REV1: variants seen among roughly 807,000 people sequenced by gnomAD.
REV1 encodes the protein REV1 DNA directed polymerase, also known as translesion synthesis protein REV1.
REV1 carries 42 observed loss-of-function variants against 137.4 expected under a neutral mutation model. The observed-to-expected ratio is 0.31, with a 90% confidence interval of 0.24 to 0.40. The LOEUF is 0.40. Ranked by LOEUF, REV1 falls within the 10% of genes least tolerant of loss-of-function variation. The probability of loss-of-function intolerance (pLI) is 1.00; values close to 1 mark genes in which losing one functional copy is unlikely to be tolerated. For synonymous variants in REV1, 524 were observed against 519.2 expected (o/e 1.01, Z -0.12); for missense variants, 1,282 against 1,490.1 (o/e 0.86, Z 2.30).
intron 11 of REV1, among the ~76,000 whole-genome samples, chr2:99,420,029 A>T (rs1205065109): frequency 6.6e-6 from 1 of 152,216 alleles, no homozygotes; most frequent in Admixed American, 6.5e-5. Flanking sequence ...GCTTGAACTT[A>T]AAAGAATGGA....
intron 1 of REV1, among the ~76,000 whole-genome samples, chr2:99,471,142 C>A (rs948810679): frequency 3.4e-5 from 5 of 146,226 alleles, no homozygotes; most frequent in Non-Finnish European, 7.6e-5. Context: ...GGTTGAAACA[C>A]AATTTGCCTT....
intron 1 of REV1, among the ~76,000 whole-genome samples, chr2:99,488,687 T>G (rs906903076): frequency 2.6e-5 from 4 of 152,174 alleles, no homozygotes; most frequent in Admixed American, 1.3e-4. Context: ...TGTGAAAGGT[T>G]GGTGGACAGA....
chr2:99,406,284 TA>T, intron 16 of REV1, 40 bp downstream of exon 16: 1 of 1,563,520 alleles, frequency 6.4e-7, no homozygotes, highest in Non-Finnish European at 8.7e-7. Flanking sequence ...TCCAAGGACA[TA>T]AGCAGCACCT....
At chr2:99,479,402 C>T (rs2104228072) in intron 1 of REV1, among the ~76,000 whole-genome samples, 1 of 151,808 alleles carries the variant, frequency 6.6e-6, no homozygotes, top group East Asian at 1.9e-4. Flanking sequence ...CCCCTTACCC[C>T]AAATTCCAGG....
In REV1 at chr2:99,456,323, T is replaced by C. The variant is rs577479568; in HGVS notation, c.181+6173A>G. 3.9e-5 allele frequency among the ~76,000 whole-genome samples: 6 copies of C among 152,344 alleles called. No individual in the cohort carries two copies. In the South Asian group the frequency reaches 8.3e-4, roughly 21 times the overall value. ...GAACAAGACTCAAGTCTGTGCCCCG[T>C]GATAGCACTTGTATTCCACTGAGGA... On this transcript the variant is annotated intron_variant, in intron 3 of 22. Coordinates refer to ENST00000258428, the MANE Select transcript of REV1 (RefSeq NM_016316.4).
chr2:99,448,046 G>A (rs1409188353), intron 4 of REV1, among the ~76,000 whole-genome samples: 4 of 152,138 alleles, frequency 2.6e-5, no homozygotes, highest in Admixed American at 6.5e-5. Flanking sequence ...CTGAACTGCC[G>A]AGTTTGGAAG....
At position 99,424,298 on chromosome 2, in the gene REV1, C is replaced by A; in HGVS notation, c.1548-18G>T. On this transcript the variant is annotated intron_variant, in intron 9 of 22. Transcript: ENST00000258428. ...CAAGTTGCCTAGAGCGAGAACAAAA[C>A]ACAATGGAGGTTATTCTAGGAAGTT... 6.2e-7 allele frequency: 1 copy of A among 1,609,258 alleles called. No homozygotes were observed. Among genetic ancestry groups the A allele is most frequent in the Admixed American group, 1.7e-5 (1 of 59,074 alleles).
Position 99,406,508 on chromosome 2 carries a change from G to A in REV1, c.2449-18C>T. ...ATCCCAACCTAGAACCCAGAATAAA[G>A]AGTATGCTTCTAGGAAAACTAAAGT... is the stretch of plus-strand genomic sequence containing the variant. On this transcript the variant is annotated intron_variant, in intron 15 of 22. Transcript: ENST00000258428. The A allele has an allele frequency of 2.6e-6, 4 of 1,561,492 alleles. No individual in the cohort carries two copies. In the East Asian group the frequency reaches 9.1e-5, roughly 36 times the overall value.
rs1679903716 is a variant in REV1, at chr2:99,429,938, T to C, written c.1449A>G (p.Pro483=). 6.3e-7 allele frequency: 1 copy of C among 1,577,394 alleles called. No homozygotes were observed. The highest frequency in any genetic ancestry group is 8.6e-7 in the Non-Finnish European group (1 of 1,163,066). ...KILKGKAADI[P]DSSLWENPDS... ...CTGGATTCTCCCACAATGATGAATC[T>C]GGTATATCTGCTTTAAAAATAAAAA... The change falls in exon 9 of 23, where the codon CCA becomes CCG. Residue 483 remains proline (P), a synonymous_variant. Transcript: ENST00000258428.
chr2:99,401,694 C>G (rs965104546), intron 22 of REV1, among the ~76,000 whole-genome samples: 3 of 152,160 alleles, frequency 2.0e-5, no homozygotes, highest in African/African-American at 7.2e-5. Context: ...CTGCAGTAAG[C>G]CAAGATCCTG....
At chr2:99,484,910 T>A (rs1445765660) in intron 1 of REV1, among the ~76,000 whole-genome samples, 2 of 152,218 alleles carry the variant, frequency 1.3e-5, no homozygotes, top group Admixed American at 6.5e-5. Flanking sequence ...CCTCTCTAAA[T>A]CTGTTTCTTT....
chr2:99,440,638 T>A (rs1227741360), intron 5 of REV1, among the ~76,000 whole-genome samples: 1 of 152,156 alleles, frequency 6.6e-6, no homozygotes, highest in African/African-American at 2.4e-5. Flanking sequence ...ACCTAATTTG[T>A]CACATGCAGA....
chr2:99,479,522 A>AT (rs1176169012), intron 1 of REV1, among the ~76,000 whole-genome samples: 2 of 151,820 alleles, frequency 1.3e-5, no homozygotes, highest in Non-Finnish European at 2.9e-5. Flanking sequence ...AGATTTGCAT[A>AT]TAACTATAAT....
chr2:99,451,503 T>C, intron 3 of REV1: 1 of 1,302,908 alleles, frequency 7.7e-7, no homozygotes, highest in African/African-American at 1.5e-5. Flanking sequence ...AAAACCAATC[T>C]AGTTAAAAGG....
intron 1 of REV1, among the ~76,000 whole-genome samples, chr2:99,479,087 T>C (rs974343364): frequency 1.4e-4 from 22 of 152,126 alleles, no homozygotes; most frequent in African/African-American, 4.8e-4. Flanking sequence ...CCCAGCACTT[T>C]AGGAGACCGA....
chr2:99,453,479 C>T (rs1437347691), intron 3 of REV1, among the ~76,000 whole-genome samples: 1 of 152,210 alleles, frequency 6.6e-6, no homozygotes, highest in African/African-American at 2.4e-5. Context: ...TCTATTCACA[C>T]AAAACATTAA....
intron 15 of REV1, chr2:99,406,711 A>C (rs1313204837): frequency 2.8e-6 from 1 of 359,788 alleles, no homozygotes; most frequent in Non-Finnish European, 4.9e-6. Flanking sequence ...CAGAGTATCC[A>C]ATTCTCCCAA....
At chr2:99,482,479 TTTG>T (rs1040011939) in intron 1 of REV1, among the ~76,000 whole-genome samples, 5 of 151,944 alleles carry the variant, frequency 3.3e-5, no homozygotes, top group African/African-American at 1.2e-4. Flanking sequence ...AGTCCTGGAG[TTTG>T]TAGCTAATAT....
At chr2:99,456,839 GT>G (rs763612257) in intron 3 of REV1, among the ~76,000 whole-genome samples, 4 of 152,208 alleles carry the variant, frequency 2.6e-5, no homozygotes, top group Non-Finnish European at 5.9e-5. Context: ...GAGGGAAGGA[GT>G]TTTTCCTCAG....
Sources: allele counts gnomAD v4.1 joint callset (sites outside exome capture counted in the v4.1 genomes callset), GRCh38; gene constraint gnomAD v4.1.1; transcripts MANE v1.5; gene names NCBI Gene and HGNC (gene_info 2026-07-23, HGNC 2026-07-21).